GALNTL6: variants seen among roughly 807,000 people sequenced by gnomAD.
GALNTL6 encodes the protein polypeptide N-acetylgalactosaminyltransferase like 6, also known as polypeptide N-acetylgalactosaminyltransferase-like 6.
GALNTL6 carries 46 observed loss-of-function variants against 73.7 expected under a neutral mutation model. That is an observed-to-expected ratio of 0.62 (90% CI 0.49 to 0.80). GALNTL6 has a LOEUF of 0.80. Among genes scored for constraint, GALNTL6 ranks in the 30% least tolerant of loss-of-function variants. The pLI is 0.00. For missense variants in GALNTL6, 604 were observed against 755.0 expected (o/e 0.80, Z 2.34); for synonymous variants, 259 against 263.7 (o/e 0.98, Z 0.17).
At chr4:171,862,403 T>G (rs2110880796) in intron 2 of GALNTL6, among the ~76,000 whole-genome samples, 1 of 152,244 alleles carries the variant, frequency 6.6e-6, no homozygotes, top group South Asian at 2.1e-4. Context: ...AGCATCTGTT[T>G]AATCATGTAT....
At chr4:172,340,711 G>T (rs1208605175) in intron 4 of GALNTL6, among the ~76,000 whole-genome samples, 1 of 152,162 alleles carries the variant, frequency 6.6e-6, no homozygotes, top group Non-Finnish European at 1.5e-5. Flanking sequence ...TTAGGCTAGG[G>T]ATAATTTGCC....
At chr4:171,862,335 C>T (rs781562705) in intron 2 of GALNTL6, among the ~76,000 whole-genome samples, 2 of 151,866 alleles carry the variant, frequency 1.3e-5, no homozygotes, top group African/African-American at 2.4e-5. Flanking sequence ...CATTACCAGG[C>T]CATTGATTTG....
chr4:171,844,598 C>T (rs925823169), intron 2 of GALNTL6, among the ~76,000 whole-genome samples: 1 of 152,110 alleles, frequency 6.6e-6, no homozygotes, highest in Non-Finnish European at 1.5e-5. Context: ...GTTGATGTGA[C>T]AGATTACGAA....
At position 172,326,237 on chromosome 4, in the gene GALNTL6, C is replaced by A. The variant is rs191081206; in HGVS notation, c.386+14485C>A. Among the ~76,000 whole-genome samples the A allele has an allele frequency of 8.4e-4, 127 of 151,930 alleles. 2 individuals carry two copies. The South Asian group carries it at 0.016, about 19-fold the overall frequency. ...TCTATGTTTATAAAAAGAGAAAAAA[C>A]CCTCAAATCCATAATTTAAGGTTTC... is the stretch of plus-strand genomic sequence containing the variant. On this transcript the variant is annotated intron_variant, in intron 4 of 12. Transcript: ENST00000506823.
At chr4:172,286,835 T>A (rs533985750) in intron 3 of GALNTL6, among the ~76,000 whole-genome samples, 16 of 152,294 alleles carry the variant, frequency 1.1e-4, no homozygotes, top group African/African-American at 3.4e-4. Context: ...AGGAAAATTT[T>A]AAAAATAAAT....
At chr4:172,974,696 A>G (rs1279916861) in intron 10 of GALNTL6, among the ~76,000 whole-genome samples, 1 of 152,158 alleles carries the variant, frequency 6.6e-6, no homozygotes, top group Non-Finnish European at 1.5e-5. Flanking sequence ...TCATCCTACC[A>G]GCCTGAATCC....
At chr4:172,926,679 G>A (rs1437257408) in intron 8 of GALNTL6, among the ~76,000 whole-genome samples, 1 of 152,170 alleles carries the variant, frequency 6.6e-6, no homozygotes, top group Non-Finnish European at 1.5e-5. Context: ...CCCAGCTGCA[G>A]ATGATAAGAA....
chr4:172,213,456 C>T (rs1379327350), intron 2 of GALNTL6, among the ~76,000 whole-genome samples: 1 of 152,096 alleles, frequency 6.6e-6, no homozygotes. Flanking sequence ...TTTTAACCAT[C>T]CTAATAGATG....
chr4:172,350,389 A>G (rs145381505), intron 5 of GALNTL6, among the ~76,000 whole-genome samples: 46 of 152,270 alleles, frequency 3.0e-4, no homozygotes, highest in African/African-American at 1.1e-3. Flanking sequence ...CTTGGTTCCA[A>G]ATCACTGTCA....
intron 2 of GALNTL6, among the ~76,000 whole-genome samples, chr4:171,960,522 C>T (rs1739190301): frequency 6.6e-6 from 1 of 151,932 alleles, no homozygotes; most frequent in African/African-American, 2.4e-5. Context: ...TCAGGCAATC[C>T]ACCCACCTCA....
chr4:172,908,068 G>A (rs1747002588), intron 8 of GALNTL6, among the ~76,000 whole-genome samples: 4 of 152,216 alleles, frequency 2.6e-5, no homozygotes, highest in African/African-American at 9.6e-5. Context: ...CAGGCAGACA[G>A]TGTAGCTAGC....
At chr4:172,309,195 C>A (rs1429537379) in intron 3 of GALNTL6, among the ~76,000 whole-genome samples, 1 of 151,908 alleles carries the variant, frequency 6.6e-6, no homozygotes, top group Non-Finnish European at 1.5e-5. Context: ...AATTTCTTAT[C>A]AATCCCCAGC....
chr4:173,002,644 A>T (rs1752093319), intron 10 of GALNTL6, among the ~76,000 whole-genome samples: 1 of 150,866 alleles, frequency 6.6e-6, no homozygotes, highest in Admixed American at 6.6e-5. Context: ...AATACAAAAA[A>T]ATTAGCCAGG....
chr4:172,903,091 A>G (rs552777280), intron 8 of GALNTL6, among the ~76,000 whole-genome samples: 4 of 152,238 alleles, frequency 2.6e-5, no homozygotes, highest in African/African-American at 9.6e-5. Context: ...AATCTACCCA[A>G]CATTTCATTA....
intron 5 of GALNTL6, among the ~76,000 whole-genome samples, chr4:172,722,301 GAAAT>G (rs1735529563): frequency 6.6e-6 from 1 of 152,108 alleles, no homozygotes; most frequent in Non-Finnish European, 1.5e-5. Flanking sequence ...TATGCAATCT[GAAAT>G]AAATAAATAT....
chr4:172,385,457 C>A (rs1743431401), intron 5 of GALNTL6, among the ~76,000 whole-genome samples: 1 of 151,906 alleles, frequency 6.6e-6, no homozygotes, highest in Non-Finnish European at 1.5e-5. Flanking sequence ...GAGACTTTTT[C>A]CTGTGGTTCA....
intron 5 of GALNTL6, among the ~76,000 whole-genome samples, chr4:172,445,463 A>G (rs901574807): frequency 1.6e-4 from 24 of 152,200 alleles, no homozygotes; most frequent in South Asian, 4.1e-4. Flanking sequence ...TTTTAAAGAA[A>G]CCATTGATAG....
chr4:172,743,651 T>C (rs577884930), intron 5 of GALNTL6, among the ~76,000 whole-genome samples: 1 of 152,178 alleles, frequency 6.6e-6, no homozygotes, highest in Non-Finnish European at 1.5e-5. Context: ...AGTGGACCAG[T>C]ATGATGCTCA....
chr4:172,501,485 T>TA (rs1298378344), intron 5 of GALNTL6, among the ~76,000 whole-genome samples: 2 of 151,888 alleles, frequency 1.3e-5, no homozygotes, highest in Admixed American at 6.6e-5. Context: ...AAAGAAACAC[T>TA]AAAAAAATCA....
Sources: gnomAD v4.1 joint callset for allele counts (sites outside exome capture counted in the v4.1 genomes callset) on GRCh38, gnomAD v4.1.1 for gene constraint, MANE v1.5 for transcripts, NCBI Gene and HGNC (gene_info 2026-07-23, HGNC 2026-07-21) for gene names.